Variants in DOCK10 observed in about 807,000 individuals in gnomAD.
The protein encoded by DOCK10 is dedicator of cytokinesis 10.
Under a neutral mutation model 280.1 loss-of-function variants are expected in DOCK10, and 145 were observed. The observed-to-expected ratio is 0.52, with a 90% CI of 0.45 to 0.59. The LOEUF (loss-of-function observed/expected upper bound fraction) is 0.59. DOCK10 is among the 20% of genes least tolerant of loss of function. The probability of loss-of-function intolerance (pLI) is 0.00; values close to 1 mark genes in which losing one functional copy is unlikely to be tolerated. For missense variants in DOCK10, 2,368 were observed against 2,651.7 expected, an observed-to-expected ratio of 0.89 and a Z score of 2.35; for synonymous variants, 915 against 942.2, an observed-to-expected ratio of 0.97 and a Z score of 0.53.
rs1699230247 is a variant in DOCK10, at chr2:224,885,613, T to C, written c.747+58A>G. 2.0e-6 allele frequency: 3 copies of C among 1,485,266 alleles called. No individual in the cohort carries two copies. In the Admixed American group the frequency reaches 7.4e-5, roughly 36 times the overall value. 92.0% of individuals were successfully genotyped at this position (1,485,266 alleles called of 1,614,324 possible). On this transcript the variant is annotated intron_variant, in intron 7 of 55. Coordinates refer to ENST00000258390, the MANE Select transcript of DOCK10 (RefSeq NM_014689.3). The stretch of plus-strand genomic sequence containing the variant: ...ATATCAGATACTCCATGAATATTTG[T>C]TAAATATACTTTTCAAATAAAAAAA...
At chr2:224,987,515 C>A (rs1706005740) in intron 1 of DOCK10, among the ~76,000 whole-genome samples, 1 of 152,166 alleles carries the variant, frequency 6.6e-6, no homozygotes, top group Non-Finnish European at 1.5e-5. Flanking sequence ...GCATAGGTGT[C>A]AGCACCTCAG....
rs746068880 is a variant in DOCK10 at position 224,864,978 on chromosome 2, A to G, written c.1367T>C (p.Leu456Ser). Residue 456 changes from leucine (L) to serine (S), a missense_variant, in exon 12 of 56, where the codon TTG becomes TCG. By Grantham distance (145) the Leu-to-Ser change is moderately radical. Around this residue, in one of 2 missense-constraint regions of DOCK10, gnomAD observed 1,209 missense variants for 1,250.9 expected, o/e 0.97. Transcript: ENST00000258390. ...ATTTTCCAAAGCCACAGAAGCCCCC[A>G]AGAGCATCTGTCTGACAGCAGCATG... ...LNHAAVRQML[L>S]GASVALENGN... The G allele has an allele frequency of 6.2e-7, 1 of 1,614,018 alleles. No individual in the cohort carries two copies. The highest frequency in any genetic ancestry group is 1.1e-5 in the South Asian group (1 of 91,080).
intron 3 of DOCK10, among the ~76,000 whole-genome samples, chr2:224,898,528 C>T (rs1035979275): frequency 1.3e-5 from 2 of 152,202 alleles, no homozygotes; most frequent in Non-Finnish European, 2.9e-5. Flanking sequence ...AGCAACTTGC[C>T]AATGCCTGAG....
intron 1 of DOCK10, among the ~76,000 whole-genome samples, chr2:225,036,865 A>G (rs1690273477): frequency 6.6e-6 from 1 of 151,616 alleles, no homozygotes. Context: ...ACTGGTCCCA[A>G]TGACTTACAT....
intron 1 of DOCK10, among the ~76,000 whole-genome samples, chr2:224,985,357 T>C (rs1235586580): frequency 1.3e-5 from 2 of 151,428 alleles, no homozygotes; most frequent in African/African-American, 4.8e-5. Context: ...CCTGGGTCAT[T>C]AATTATATAT....
In DOCK10 at chr2:224,857,757, A is replaced by AT. The variant is rs1179566219; in HGVS notation, c.1686-776dup. On this transcript the variant is annotated intron_variant, in intron 14 of 55. Transcript: ENST00000258390. ...CAATGTGTGGTCAAAAAAAAATAGA[A>AT]TTTTTTTTTTTTACTTCAGTGTTAG... Among the ~76,000 whole-genome samples, 559 of 147,660 alleles carry AT rather than the reference A, an allele frequency of 3.8e-3. 1 individual carries two copies. The highest frequency in any genetic ancestry group is 9.6e-3 in the East Asian group (49 of 5,092).
intron 32 of DOCK10, 50 bp downstream of exon 32, chr2:224,807,861 A>T (rs1693504220): frequency 6.3e-7 from 1 of 1,577,556 alleles, no homozygotes; most frequent in Middle Eastern, 1.7e-4. Flanking sequence ...CATTTAATGC[A>T]GTGAGCCATT....
chr2:224,994,009 G>A (rs563275654), intron 1 of DOCK10, among the ~76,000 whole-genome samples: 11 of 152,142 alleles, frequency 7.2e-5, no homozygotes, highest in Non-Finnish European at 1.6e-4. Context: ...TGAAGAGAGG[G>A]CATATCCCAT....
intron 18 of DOCK10, among the ~76,000 whole-genome samples, chr2:224,851,296 A>C (rs997349299): frequency 6.6e-6 from 1 of 152,174 alleles, no homozygotes; most frequent in African/African-American, 2.4e-5. Flanking sequence ...TTTTCCTCAC[A>C]AAAACACTGC....
rs1320848419 is a variant in DOCK10, at chr2:224,902,960, T to C, written c.334-6583A>G. On this transcript the variant is annotated intron_variant, in intron 3 of 55. Transcript: ENST00000258390. ...TACAAAAAAAAAAATTAGCCGGTTG[T>C]GGTGGCAGGCGCCTGTAGTCCCAGC... Among the ~76,000 whole-genome samples the C allele has an allele frequency of 3.3e-5, 5 of 150,402 alleles. No individual in the cohort carries two copies. The East Asian group carries it at 5.8e-4, about 18-fold the overall frequency.
At chr2:224,961,365 T>C (rs1704374240) in intron 1 of DOCK10, among the ~76,000 whole-genome samples, 1 of 151,990 alleles carries the variant, frequency 6.6e-6, no homozygotes, top group African/African-American at 2.4e-5. Flanking sequence ...TAGTATGTGA[T>C]ATTTCCCATG....
intron 11 of DOCK10, among the ~76,000 whole-genome samples, chr2:224,866,781 G>A (rs1381855397): frequency 6.6e-6 from 1 of 152,068 alleles, no homozygotes; most frequent in African/African-American, 2.4e-5. Flanking sequence ...TTGCTCTTAC[G>A]ATAATTAGTG....
intron 5 of DOCK10, 128 bp from the exon 6 acceptor site, chr2:224,886,313 C>T: frequency 6.7e-7 from 1 of 1,494,648 alleles, no homozygotes; most frequent in Non-Finnish European, 9.1e-7. Context: ...AATTTCAAAA[C>T]AAACGTGACT....
rs539775073 is a variant in DOCK10 at position 224,988,180 on chromosome 2, G to A, written c.123+54072C>T. On this transcript the variant is annotated intron_variant, in intron 1 of 55. Coordinates refer to ENST00000258390, the MANE Select transcript of DOCK10 (RefSeq NM_014689.3). Reference sequence around the variant, plus strand: ...CTGCCCTGGAAAAGCCTCCCCTAACGGGCATTGCTTCACAGCCCTGAACCT... The same window carrying A: ...CTGCCCTGGAAAAGCCTCCCCTAACAGGCATTGCTTCACAGCCCTGAACCT... Among the ~76,000 whole-genome samples, 15 of 152,190 alleles carry A rather than the reference G, an allele frequency of 9.9e-5. No homozygotes were observed. The East Asian group carries it at 1.5e-3, about 16-fold the overall frequency.
chr2:225,041,062 C>T (rs1446279558), intron 1 of DOCK10, among the ~76,000 whole-genome samples: 1 of 152,140 alleles, frequency 6.6e-6, no homozygotes, highest in East Asian at 1.9e-4. Context: ...CTCTACACCC[C>T]CTGGGCACCC....
intron 3 of DOCK10, among the ~76,000 whole-genome samples, chr2:224,906,195 A>G (rs776317736): frequency 1.3e-5 from 2 of 152,078 alleles, no homozygotes; most frequent in African/African-American, 4.8e-5. Flanking sequence ...ACTCCTGTCA[A>G]TGCTATCTCC....
intron 19 of DOCK10, 71 bp from the exon 20 acceptor site, chr2:224,845,713 T>C: frequency 5.6e-6 from 8 of 1,421,356 alleles, no homozygotes; most frequent in Non-Finnish European, 7.7e-6. Flanking sequence ...AGACAAAGCA[T>C]AGCTTTTTAA....
rs1244657922 is a variant in DOCK10 at position 224,789,601 on chromosome 2, G to T, written c.5312-431C>A. On this transcript the variant is annotated intron_variant, in intron 47 of 55. Transcript: ENST00000258390. ...CATTATAAAGACAATGCTTGTAGGT[G>T]GGTGTGTGGGTGCCTGTAATCCCAG... Among the ~76,000 whole-genome samples, 5 of 152,198 alleles carry T rather than the reference G, an allele frequency of 3.3e-5. No homozygotes were observed. The East Asian group carries it at 9.7e-4, about 30-fold the overall frequency.
intron 27 of DOCK10, among the ~76,000 whole-genome samples, chr2:224,825,263 C>T (rs1483063321): frequency 6.6e-6 from 1 of 152,104 alleles, no homozygotes; most frequent in Non-Finnish European, 1.5e-5. Flanking sequence ...CAGGCTTGAG[C>T]CACCCCGCCT....
Sources: gnomAD v4.1 joint callset for allele counts (sites outside exome capture counted in the v4.1 genomes callset) on GRCh38, gnomAD v4.1.1 for gene constraint, gnomAD v4.1.1 regional missense constraint, MANE v1.5 for transcripts, NCBI Gene and HGNC (gene_info 2026-07-23, HGNC 2026-07-21) for gene names.